Variants in PDE4B observed in about 807,000 individuals in gnomAD.
PDE4B encodes 3',5'-cyclic-AMP phosphodiesterase 4B.
Under a neutral mutation model 82.2 loss-of-function variants are expected in PDE4B, and 20 were observed. That is an observed-to-expected ratio of 0.24 (90% confidence interval 0.17 to 0.35). PDE4B has a LOEUF of 0.35. PDE4B is among the 10% of genes least tolerant of loss of function. The probability of loss-of-function intolerance (pLI) is 1.00; values close to 1 mark genes in which losing one functional copy is unlikely to be tolerated. For missense variants in PDE4B, 655 were observed against 907.2 expected, an observed-to-expected ratio of 0.72 and a Z score of 3.57; for synonymous variants, 320 against 318.9, an observed-to-expected ratio of 1.00 and a Z score of -0.04.
chr1:65,963,105 A>C (rs12062901), intron 3 of PDE4B, among the ~76,000 whole-genome samples: 51,098 of 151,982 alleles, frequency 0.34, 8,880 homozygotes, highest in East Asian at 0.46. Context: ...CTTTCTCAAG[A>C]TGCGACAAGT....
intron 6 of PDE4B, among the ~76,000 whole-genome samples, chr1:66,263,874 A>T (rs1322569476): frequency 1.3e-5 from 2 of 152,192 alleles, no homozygotes; most frequent in African/African-American, 4.8e-5. Flanking sequence ...GGAAAGGGGC[A>T]GCACATATTC....
intron 3 of PDE4B, among the ~76,000 whole-genome samples, chr1:66,060,553 A>G (rs1176256916): frequency 6.6e-6 from 1 of 152,234 alleles, no homozygotes; most frequent in Admixed American, 6.5e-5. Flanking sequence ...GAAAACATTT[A>G]AAATATATCA....
intron 3 of PDE4B, among the ~76,000 whole-genome samples, chr1:66,202,086 GC>G (rs1649022073): frequency 6.7e-6 from 1 of 150,086 alleles, no homozygotes; most frequent in Non-Finnish European, 1.5e-5. Flanking sequence ...CTTTATTTCT[GC>G]CTTCATTTTG....
At chr1:66,186,710 C>T (rs188958321) in intron 3 of PDE4B, among the ~76,000 whole-genome samples, 2 of 152,092 alleles carry the variant, frequency 1.3e-5, no homozygotes, top group African/African-American at 2.4e-5. Context: ...CTGAAGTTGC[C>T]TATCAGCTTA....
intron 3 of PDE4B, among the ~76,000 whole-genome samples, chr1:65,947,318 G>A (rs1648763364): frequency 6.6e-6 from 1 of 152,054 alleles, no homozygotes; most frequent in Admixed American, 6.6e-5. Context: ...TACTTTTGGT[G>A]TGCTTGGTGA....
intron 3 of PDE4B, among the ~76,000 whole-genome samples, chr1:66,200,048 T>C (rs1570452752): frequency 6.6e-6 from 1 of 152,204 alleles, no homozygotes; most frequent in East Asian, 1.9e-4. Context: ...GGATCCAGTT[T>C]CAGCTTTGTA....
chr1:65,979,814 T>G (rs1389589319), intron 3 of PDE4B, among the ~76,000 whole-genome samples: 2 of 152,170 alleles, frequency 1.3e-5, no homozygotes, highest in Non-Finnish European at 2.9e-5. Context: ...CTGAGGTAAA[T>G]GAAACACCAA....
chr1:65,991,540 A>G (rs1417877107), intron 3 of PDE4B, among the ~76,000 whole-genome samples: 2 of 152,116 alleles, frequency 1.3e-5, no homozygotes, highest in African/African-American at 4.8e-5. Context: ...CTTATTTGAG[A>G]TCAGGCTGGC....
At chr1:65,794,364 ACTCCCC>A (rs1305084633) in intron 1 of PDE4B, among the ~76,000 whole-genome samples, 1 of 152,098 alleles carries the variant, frequency 6.6e-6, no homozygotes, top group Non-Finnish European at 1.5e-5. Flanking sequence ...AGTAGATCAT[ACTCCCC>A]CTCCGTTTCC....
chr1:65,826,801 C>G (rs1471701949), intron 1 of PDE4B, among the ~76,000 whole-genome samples: 1 of 152,106 alleles, frequency 6.6e-6, no homozygotes, highest in Non-Finnish European at 1.5e-5. Context: ...AATTACACCC[C>G]CTATTGTGAC....
intron 7 of PDE4B, among the ~76,000 whole-genome samples, chr1:66,289,031 C>G (rs541692629): frequency 6.6e-6 from 1 of 152,252 alleles, no homozygotes; most frequent in East Asian, 1.9e-4. Flanking sequence ...ATGTGCCAGA[C>G]ATTTTGCTAG....
intron 3 of PDE4B, among the ~76,000 whole-genome samples, chr1:66,244,360 C>A (rs1181278671): frequency 1.3e-5 from 2 of 152,038 alleles, no homozygotes; most frequent in Non-Finnish European, 2.9e-5. Context: ...AAATATAAAG[C>A]AGCCTAAAGG....
At chr1:65,839,143 T>C (rs569221311) in intron 1 of PDE4B, among the ~76,000 whole-genome samples, 6 of 152,304 alleles carry the variant, frequency 3.9e-5, no homozygotes, top group African/African-American at 1.4e-4. Context: ...ATAACAGTTA[T>C]AAAAATCTCT....
chr1:66,090,257 C>A (rs1193831918), intron 3 of PDE4B, among the ~76,000 whole-genome samples: 1 of 151,880 alleles, frequency 6.6e-6, no homozygotes, highest in Admixed American at 6.6e-5. Context: ...GGAAGTATCT[C>A]TTCTTATGAT....
intron 7 of PDE4B, among the ~76,000 whole-genome samples, chr1:66,278,087 C>T (rs1656023384): frequency 6.6e-6 from 1 of 152,276 alleles, no homozygotes; most frequent in African/African-American, 2.4e-5. Flanking sequence ...ATTTTCTTGA[C>T]TGTTTATACA....
In PDE4B at chr1:66,126,444, G is replaced by A. The variant is rs529472571; in HGVS notation, c.282-121016G>A. Among the ~76,000 whole-genome samples the A allele has an allele frequency of 4.1e-3, 631 of 152,056 alleles. 15 individuals carry two copies. The South Asian group carries it at 0.059, about 14-fold the overall frequency. ...ACATTTTTAAACTTTAAACTTCTTG[G>A]TCCATGATGCCATTAACTCATCCCA... On this transcript the variant is annotated intron_variant, in intron 3 of 16. Transcript: ENST00000341517.
chr1:65,870,773 G>A (rs576977180), intron 1 of PDE4B, among the ~76,000 whole-genome samples: 3 of 152,260 alleles, frequency 2.0e-5, no homozygotes, highest in Non-Finnish European at 4.4e-5. Flanking sequence ...GTGTGACCAA[G>A]CCTGTTCTTG....
intron 4 of PDE4B, among the ~76,000 whole-genome samples, chr1:66,250,218 A>G (rs1653643581): frequency 6.6e-6 from 1 of 152,074 alleles, no homozygotes; most frequent in African/African-American, 2.4e-5. Context: ...CCTTCTACCC[A>G]TAGATCCAGG....
intron 3 of PDE4B, among the ~76,000 whole-genome samples, chr1:65,942,361 TC>T (rs1193571499): frequency 6.6e-6 from 1 of 152,012 alleles, no homozygotes; most frequent in Non-Finnish European, 1.5e-5. Context: ...AGAAATTCCT[TC>T]TTTTTTTTTT....
Sources: allele counts gnomAD v4.1 joint callset (sites outside exome capture counted in the v4.1 genomes callset), GRCh38; gene constraint gnomAD v4.1.1; transcripts MANE v1.5; gene names NCBI Gene and HGNC (gene_info 2026-07-23, HGNC 2026-07-21).